MROH1: variants seen among roughly 807,000 people sequenced by gnomAD.
MROH1 encodes the protein maestro heat-like repeat-containing protein family member 1.
Under a neutral mutation model 116.5 loss-of-function variants are expected in MROH1, and 117 were observed. That is an observed-to-expected ratio of 1.00 (90% confidence interval 0.86 to 1.17). MROH1 has a LOEUF of 1.17. Among genes scored for constraint, MROH1 ranks in the 50% most tolerant of loss-of-function variants. MROH1 has a pLI of 0.00. For synonymous variants in MROH1, 921 were observed against 583.9 expected (o/e 1.58, Z -8.32); for missense variants, 1,873 against 1,338.5 (o/e 1.40, Z -6.23).
chr8:144,199,106 C>T lies in MROH1; in HGVS notation c.949-16C>T. 6.2e-7 allele frequency: 1 copy of T among 1,612,792 alleles called. No homozygotes were observed. The highest frequency in any genetic ancestry group is 1.1e-5 in the South Asian group (1 of 90,760). On this transcript the variant is annotated splice_polypyrimidine_tract_variant and intron_variant, in intron 10 of 43. Transcript: ENST00000326134. ...GGCCTCTCTGGTCTATAACCTCGGCCCCGTTCCTGGAGCAGATCTGTGTGC... is the reference window on the plus strand; with the variant it reads ...GGCCTCTCTGGTCTATAACCTCGGCTCCGTTCCTGGAGCAGATCTGTGTGC...
intron 1 of MROH1, among the ~76,000 whole-genome samples, chr8:144,151,286 C>T (rs1816728916): frequency 7.0e-6 from 1 of 143,782 alleles, no homozygotes; most frequent in South Asian, 2.2e-4. Flanking sequence ...CTCCAAGATG[C>T]TAGCAAGGCA....
intron 22 of MROH1, among the ~76,000 whole-genome samples, chr8:144,242,014 C>G (rs1841082532): frequency 1.3e-5 from 2 of 152,376 alleles, no homozygotes; most frequent in Admixed American, 1.3e-4. Flanking sequence ...GGAGGCTGAT[C>G]TGCAGCGAGC....
At chr8:144,164,174 G>A (rs1452314573) in intron 3 of MROH1, among the ~76,000 whole-genome samples, 1 of 151,346 alleles carries the variant, frequency 6.6e-6, no homozygotes, top group African/African-American at 2.4e-5. Context: ...GGAGGCCAAG[G>A]CAGGCGGATC....
chr8:144,162,693 G>A (rs928022620), intron 2 of MROH1, among the ~76,000 whole-genome samples: 15 of 151,614 alleles, frequency 9.9e-5, no homozygotes, highest in Admixed American at 8.6e-4. Flanking sequence ...CACTGCACCC[G>A]GCCCATGATG....
In MROH1 at chr8:144,163,650, A is replaced by G. The variant is rs1820088513; in HGVS notation, c.-56-121A>G. The G allele has an allele frequency of 1.5e-6, 1 of 664,234 alleles. No homozygotes were observed. Among genetic ancestry groups the G allele is most frequent in the African/African-American group, 1.8e-5 (1 of 54,726 alleles). 41.1% of individuals were successfully genotyped at this position (664,234 alleles called of 1,614,324 possible). A position where few individuals can be genotyped will look rare whatever the true frequency, so the allele number is the denominator to read the frequency against. ...GAGTGGCTCAAAGAAAATGTGACGGAGATATTTCCCCCAGAATAAATTCAT... is the reference window on the plus strand; with the variant it reads ...GAGTGGCTCAAAGAAAATGTGACGGGGATATTTCCCCCAGAATAAATTCAT... On this transcript the variant is annotated intron_variant, in intron 2 of 43. Coordinates refer to ENST00000326134, the MANE Select transcript of MROH1 (RefSeq NM_032450.3). This position sits in a 1 kb window ranked among gnomAD's most constrained non-coding sequence, Gnocchi z 4.4.
chr8:144,151,480 A>G (rs1816776613), intron 1 of MROH1, among the ~76,000 whole-genome samples: 2 of 152,136 alleles, frequency 1.3e-5, no homozygotes, highest in African/African-American at 2.4e-5. Context: ...GGGGCCACCA[A>G]GCAGCCCAAC....
Position 144,260,210 on chromosome 8 carries a change from C to G in MROH1, c.4216C>G (p.Leu1406Val). 1.3e-6 allele frequency: 1 copy of G among 765,632 alleles called. No individual in the cohort carries two copies. The highest frequency in any genetic ancestry group is 2.4e-6 in the Non-Finnish European group (1 of 417,624). The allele number at this position is 765,632 out of a possible 1,614,324, so 47.4% of individuals were successfully genotyped here. Reference sequence around the variant, plus strand: ...GGTGCGAACCCACGGCCCCCAGCTCCTCACAGCCATGATTGGCGGGCTGGA... The same window carrying G: ...GGTGCGAACCCACGGCCCCCAGCTCGTCACAGCCATGATTGGCGGGCTGGA... ...DKVRTHGPQLLTAMIGGLDDG... is the reference protein window; with the variant it reads ...DKVRTHGPQLVTAMIGGLDDG... The change falls in exon 39 of 44, where the codon CTC becomes GTC. Residue 1406 changes from leucine (L) to valine (V), a missense_variant. Leu to Val is a conservative substitution (Grantham distance 32, BLOSUM62 1). Transcript: ENST00000326134.
chr8:144,260,087 C>A, intron 38 of MROH1, 30 bp downstream of exon 38: 1 of 735,628 alleles, frequency 1.4e-6, no homozygotes, highest in East Asian at 2.5e-5. Context: ...CTCTGGGTCC[C>A]AGGCAGCATG....
At chr8:144,258,236 C>T (rs1476832664) in intron 35 of MROH1, among the ~76,000 whole-genome samples, 3 of 152,194 alleles carry the variant, frequency 2.0e-5, no homozygotes, top group Non-Finnish European at 4.4e-5. Flanking sequence ...CCATTGCACG[C>T]CCAGGGCGCC....
chr8:144,188,421 G>A (rs1198131919), intron 7 of MROH1, among the ~76,000 whole-genome samples: 1 of 143,972 alleles, frequency 6.9e-6, no homozygotes, highest in Admixed American at 6.9e-5. Flanking sequence ...CCTCACAGCA[G>A]CCCTGGGTCA....
Position 144,258,787 on chromosome 8 carries a change from G to C in MROH1, c.3802G>C (p.Asp1268His). The change falls in exon 36 of 44, where the codon GAC becomes CAC. Residue 1268 changes from aspartate (D) to histidine (H), a missense_variant. Transcript: ENST00000326134. ...RNLEPCSSAV[D>H]TLRSMLLRSG... ...CTGGCAATCCTGCAGCTCTGCAGTG[G>C]ACACCCTGCGGTCCATGCTACTCCG... 1.3e-6 allele frequency: 1 copy of C among 767,864 alleles called. No homozygotes were observed. Among genetic ancestry groups the C allele is most frequent in the Non-Finnish European group, 2.4e-6 (1 of 413,880 alleles). 47.6% of individuals were successfully genotyped at this position (767,864 alleles called of 1,614,324 possible).
chr8:144,189,636 A>T (rs1255603494), intron 7 of MROH1, among the ~76,000 whole-genome samples: 1 of 152,130 alleles, frequency 6.6e-6, no homozygotes, highest in African/African-American at 2.4e-5. Flanking sequence ...ATCCACAGTC[A>T]CTGGCACACT....
At chr8:144,244,784 G>A (rs1324317952) in intron 28 of MROH1, among the ~76,000 whole-genome samples, 2 of 152,220 alleles carry the variant, frequency 1.3e-5, no homozygotes, top group Non-Finnish European at 2.9e-5. Flanking sequence ...CGCGGGGATG[G>A]AGGGGCCCAC....
At position 144,184,115 on chromosome 8, in the gene MROH1, A is replaced by G. The variant is rs1241632889; in HGVS notation, c.562+3592A>G. 5.3e-5 allele frequency among the ~76,000 whole-genome samples: 8 copies of G among 152,256 alleles called. No homozygotes were observed. The East Asian group carries it at 1.5e-3, about 29-fold the overall frequency. On this transcript the variant is annotated intron_variant, in intron 7 of 43. Transcript: ENST00000326134. ...TCCTCTCTCCTGAGAATTTGTAACCATGGTCTGTCCTGATGTAGTTGTAGG... is the reference window on the plus strand; with the variant it reads ...TCCTCTCTCCTGAGAATTTGTAACCGTGGTCTGTCCTGATGTAGTTGTAGG...
intron 7 of MROH1, among the ~76,000 whole-genome samples, chr8:144,188,611 G>T (rs6995887): frequency 1 from 151,876 of 151,876 alleles, 75,938 homozygotes; most frequent in Non-Finnish European, 1. Flanking sequence ...GGATTACAGG[G>T]GCGTGCCACC....
Position 144,247,598 on chromosome 8 carries a change from G to C in MROH1, c.3039G>C (p.Ala1013=), listed in dbSNP as rs980381349. The change falls in exon 31 of 44, where the codon GCG becomes GCC. Residue 1013 remains alanine (A), a synonymous_variant. Transcript: ENST00000326134. ...GFSRDYRDDV[A]ERLLSLKDGL... is the part of the protein sequence containing the mutation. ...CCCGGGACTACCGCGATGACGTGGCGGAGCGGCTCCTCAGCCTCAAGGACG... is the reference window on the plus strand; with the variant it reads ...CCCGGGACTACCGCGATGACGTGGCCGAGCGGCTCCTCAGCCTCAAGGACG... 3.9e-6 allele frequency: 3 copies of C among 773,208 alleles called. No individual in the cohort carries two copies. The Admixed American group carries it at 5.1e-5, about 13-fold the overall frequency. The allele number at this position is 773,208 out of a possible 1,614,324, so 47.9% of individuals were successfully genotyped here. A position where few individuals can be genotyped will look rare whatever the true frequency, so the allele number is the denominator to read the frequency against.
intron 14 of MROH1, among the ~76,000 whole-genome samples, chr8:144,238,513 T>C (rs1840425715): frequency 6.6e-6 from 1 of 152,252 alleles, no homozygotes; most frequent in African/African-American, 2.4e-5. Flanking sequence ...TGATTTTTTA[T>C]GGAGTCAGTA....
Position 144,168,403 on chromosome 8 carries a change from T to A in MROH1, c.131T>A (p.Leu44His). The A allele has an allele frequency of 6.2e-7, 1 of 1,611,368 alleles. No homozygotes were observed. Among genetic ancestry groups the A allele is most frequent in the Non-Finnish European group, 8.5e-7 (1 of 1,179,386 alleles). ...SLGEARPVET[L>H]RACEEYLRQH... ...GGGGAGGCGCGGCCGGTGGAGACGC[T>A]CCGTGCCTGCGAGGAGTATCTGCGG... is the stretch of plus-strand genomic sequence containing the variant. The change falls in exon 4 of 44, where the codon CTC becomes CAC. Residue 44 changes from leucine (L) to histidine (H), a missense_variant. By Grantham distance (99) the Leu-to-His change is moderately conservative. Transcript: ENST00000326134.
intron 14 of MROH1, among the ~76,000 whole-genome samples, chr8:144,234,759 C>A (rs1564534578): frequency 1.3e-5 from 2 of 150,852 alleles, no homozygotes; most frequent in Non-Finnish European, 3.0e-5. Context: ...CTCAAGCCAT[C>A]TACCCACCTT....
Sources: allele counts gnomAD v4.1 joint callset (sites outside exome capture counted in the v4.1 genomes callset), GRCh38; gene constraint gnomAD v4.1.1; non-coding constraint Gnocchi (gnomAD v3.1); transcripts MANE v1.5; gene names NCBI Gene and HGNC (gene_info 2026-07-23, HGNC 2026-07-21).